The following CNP variants were observed in gnomAD, a reference collection of about 807,000 sequenced individuals.
CNP encodes the protein 2',3'-cyclic nucleotide 3' phosphodiesterase.
In CNP, 8 loss-of-function variants were observed where a neutral mutation model predicts 37.9. The observed-to-expected ratio is 0.21, with a 90% CI of 0.12 to 0.38. The LOEUF (loss-of-function observed/expected upper bound fraction) is 0.38. Among genes scored for constraint, CNP ranks in the 10% least tolerant of loss-of-function variants. The pLI, the probability that CNP is intolerant of heterozygous loss-of-function variation, is 1.00. For synonymous variants in CNP, 237 were observed against 238.3 expected (o/e 0.99, Z 0.05); for missense variants, 457 against 551.0 (o/e 0.83, Z 1.71).
rs2051033427 is a variant in CNP, at chr17:41,973,912, C to T, written c.1254C>T (p.Cys418=). 3 of 1,539,042 alleles carry T rather than the reference C, an allele frequency of 1.9e-6. No individual in the cohort carries two copies. The highest frequency in any genetic ancestry group is 2.3e-5 in the East Asian group (1 of 44,178). The change falls in exon 4 of 4, where the codon TGC becomes TGT. Residue 418 remains cysteine, a synonymous_variant. Transcript: ENST00000393892. ...GGAAGGGGGGCGCCTTGCAGTCCTG[C>T]ACCATCATATGAGTGTTCTCACCAC... The part of the protein sequence containing the change: ...GSRKGGALQS[C]TII
intron 2 of CNP, chr17:41,970,526 G>A (rs2050971361): frequency 6.6e-6 from 1 of 151,094 alleles, no homozygotes; most frequent in Non-Finnish European, 1.5e-5. Context: ...AGCCACCCAA[G>A]TAGCTGGGAT....
At position 41,968,847 on chromosome 17, in the gene CNP, CAG is replaced by C. The variant is rs1453053907; in HGVS notation, c.676+114_676+115del. The C allele has an allele frequency of 5.1e-5, 67 of 1,304,942 alleles. No individual in the cohort carries two copies. In the South Asian group the frequency reaches 6.5e-4, roughly 13 times the overall value. 80.8% of individuals were successfully genotyped at this position (1,304,942 alleles called of 1,614,324 possible). A position where few individuals can be genotyped will look rare whatever the true frequency, so the allele number is the denominator to read the frequency against. On this transcript the variant is annotated intron_variant, in intron 2 of 3. Coordinates refer to ENST00000393892, the MANE Select transcript of CNP (RefSeq NM_033133.5). This position sits in a 1 kb window ranked among gnomAD's most constrained non-coding sequence, Gnocchi z 4.8. ...GGATGGAGCACGAAGCAGCAGGAGG[CAG>C]AGAGAGGCTCACCTCAGCGGGGGCA... is the stretch of plus-strand genomic sequence containing the variant.
chr17:41,977,508 T>C lies in CNP; in HGVS notation c.*3584T>C, dbSNP rs2051122073. 2 of 536,938 alleles carry C rather than the reference T, an allele frequency of 3.7e-6. No homozygotes were observed. The highest frequency in any genetic ancestry group is 6.7e-6 in the Non-Finnish European group (2 of 299,222). The allele number at this position is 536,938 out of a possible 1,614,324, so 33.3% of individuals were successfully genotyped here. ...CCCATCCCGTGCAAAACATGCTACC[T>C]GATCCCACTCCTAGGACATGTTCCC... On this transcript the variant is annotated 3_prime_UTR_variant, in exon 4 of 4. Transcript: ENST00000393892.
chr17:41,976,663 G>T lies in CNP; in HGVS notation c.*2739G>T. 6.3e-7 allele frequency: 1 copy of T among 1,580,208 alleles called. No homozygotes were observed. Among genetic ancestry groups the T allele is most frequent in the East Asian group, 2.2e-5 (1 of 44,676 alleles). On this transcript the variant is annotated 3_prime_UTR_variant, in exon 4 of 4. Transcript: ENST00000393892. ...CGGAGACGTGATGAAGGGAGGAGGTGAACTGTTTCCACATTCAAGATTAAA... is the reference window on the plus strand; with the variant it reads ...CGGAGACGTGATGAAGGGAGGAGGTTAACTGTTTCCACATTCAAGATTAAA...
chr17:41,971,679 T>C (rs2050992244), intron 2 of CNP: 1 of 493,416 alleles, frequency 2.0e-6, no homozygotes, highest in Admixed American at 3.4e-5. Context: ...ATTACAGGTG[T>C]GAACCACCGC....
chr17:41,977,564 C>A lies in CNP; in HGVS notation c.*3640C>A. ...CTTCCAACTGCTGCCCCAAAGGAAG[C>A]TTTCTCTGCTTCAGCTTGCTTCATT... is the stretch of plus-strand genomic sequence containing the variant. On this transcript the variant is annotated 3_prime_UTR_variant, in exon 4 of 4. Transcript: ENST00000393892. 2.5e-6 allele frequency: 1 copy of A among 392,716 alleles called. No individual in the cohort carries two copies. The highest frequency in any genetic ancestry group is 4.6e-6 in the Non-Finnish European group (1 of 216,630). 24.3% of individuals were successfully genotyped at this position (392,716 alleles called of 1,614,324 possible). A position where few individuals can be genotyped will look rare whatever the true frequency, so the allele number is the denominator to read the frequency against.
In CNP at chr17:41,976,429, A is replaced by G; in HGVS notation, c.*2505A>G. 1 of 320,642 alleles carries G rather than the reference A, an allele frequency of 3.1e-6. No homozygotes were observed. The highest frequency in any genetic ancestry group is 5.7e-6 in the Non-Finnish European group (1 of 175,226). The allele number at this position is 320,642 out of a possible 1,614,324, so 19.9% of individuals were successfully genotyped here. On this transcript the variant is annotated 3_prime_UTR_variant, in exon 4 of 4. Transcript: ENST00000393892. ...TGGAGACAATGCAGATGCCAGAGCA[A>G]AGGGCCAGGAAGGGTCAAAACATTT... is the stretch of plus-strand genomic sequence containing the variant.
chr17:41,976,403 C>G lies in CNP; in HGVS notation c.*2479C>G, dbSNP rs868930420. On this transcript the variant is annotated 3_prime_UTR_variant, in exon 4 of 4. Transcript: ENST00000393892. ...GTCGGGCTCAGCTCTGGCTCACAGA[C>G]TGGAGACAATGCAGATGCCAGAGCA... 3.5e-6 allele frequency: 1 copy of G among 287,374 alleles called. No individual in the cohort carries two copies. Among genetic ancestry groups the G allele is most frequent in the Non-Finnish European group, 6.5e-6 (1 of 153,552 alleles). 17.8% of individuals were successfully genotyped at this position (287,374 alleles called of 1,614,324 possible). A position where few individuals can be genotyped will look rare whatever the true frequency, so the allele number is the denominator to read the frequency against.
Position 41,966,872 on chromosome 17 carries a change from G to A in CNP, c.-13G>A. ...TGCCGGCAGAGGCGGCGACGGTGGC[G>A]CCCCTCCTCATCATGGTGAGAGGCC... On this transcript the variant is annotated 5_prime_UTR_variant, in exon 1 of 4. Coordinates refer to ENST00000393892, the MANE Select transcript of CNP (RefSeq NM_033133.5). The A allele has an allele frequency of 2.2e-6, 3 of 1,353,372 alleles. No homozygotes were observed. The allele number at this position is 1,353,372 out of a possible 1,614,324, so 83.8% of individuals were successfully genotyped here.
At chr17:41,972,233 C>T (rs1444452547) in intron 3 of CNP, among the ~76,000 whole-genome samples, 10 of 151,852 alleles carry the variant, frequency 6.6e-5, no homozygotes, top group African/African-American at 2.4e-4. Flanking sequence ...AGGAGCCTGC[C>T]CTGGCAGTAC....
Position 41,968,962 on chromosome 17 carries a change from C to G in CNP, c.676+222C>G, listed in dbSNP as rs967909578. Among the ~76,000 whole-genome samples the G allele has an allele frequency of 1.3e-5, 2 of 152,176 alleles. No individual in the cohort carries two copies. Among genetic ancestry groups the G allele is most frequent in the Admixed American group, 1.3e-4 (2 of 15,274 alleles). ...GCTTCCCAGAGCGCCTTTCCTCCCA[C>G]CACACCTATCCTTCTAGCCCTCTTC... On this transcript the variant is annotated intron_variant, in intron 2 of 3. Coordinates refer to ENST00000393892, the MANE Select transcript of CNP (RefSeq NM_033133.5). The surrounding 1 kb of genome is among the most constrained non-coding windows in gnomAD (Gnocchi z 4.8).
chr17:41,973,574 C>G lies in CNP; in HGVS notation c.916C>G (p.Gln306Glu). Residue 306 changes from glutamine (Q) to glutamate (E), a missense_variant, in exon 4 of 4, where the codon CAA becomes GAA. Physicochemically the swap from Gln to Glu is conservative, Grantham distance 29 (BLOSUM62 2). Around this residue, in one of 2 missense-constraint regions of CNP, gnomAD observed 291 missense variants for 291.7 expected, o/e 1.00. Coordinates refer to ENST00000393892, the MANE Select transcript of CNP (RefSeq NM_033133.5). The stretch of plus-strand genomic sequence containing the variant: ...GGCCCGGGTGGAGTTAAGCGAGCAG[C>G]AACTGCAGTTGTGGCCGAGTGATGT... ...TGARVELSEQ[Q>E]LQLWPSDVDK... The G allele has an allele frequency of 6.2e-7, 1 of 1,614,256 alleles. No individual in the cohort carries two copies. The highest frequency in any genetic ancestry group is 8.5e-7 in the Non-Finnish European group (1 of 1,180,054).
chr17:41,968,223 C>T lies in CNP; in HGVS notation c.159C>T (p.Phe53=), dbSNP rs782564312. The change falls in exon 2 of 4, where the codon TTC becomes TTT. Residue 53 remains phenylalanine, a synonymous_variant. Coordinates refer to ENST00000393892, the MANE Select transcript of CNP (RefSeq NM_033133.5). This position sits in a 1 kb window ranked among gnomAD's most constrained non-coding sequence, Gnocchi z 4.8. ...VATLLECKTL[F]ILRGLPGSGK... Reference sequence around the variant, plus strand: ...CGCTGCTAGAGTGCAAGACGCTCTTCATCTTGCGCGGCCTGCCAGGAAGCG... The same window carrying T: ...CGCTGCTAGAGTGCAAGACGCTCTTTATCTTGCGCGGCCTGCCAGGAAGCG... 3.7e-6 allele frequency: 6 copies of T among 1,614,136 alleles called. No individual in the cohort carries two copies. The East Asian group carries it at 6.7e-5, about 18-fold the overall frequency.
rs2051037123 is a variant in CNP, at chr17:41,974,120, C to T, written c.*196C>T. 3 of 454,326 alleles carry T rather than the reference C, an allele frequency of 6.6e-6. No individual in the cohort carries two copies. Among genetic ancestry groups the T allele is most frequent in the African/African-American group, 2.0e-5 (1 of 49,454 alleles). The allele number at this position is 454,326 out of a possible 1,614,324, so 28.1% of individuals were successfully genotyped here. A position where few individuals can be genotyped will look rare whatever the true frequency, so the allele number is the denominator to read the frequency against. The stretch of plus-strand genomic sequence containing the variant: ...TCTTCCCCTCTAATGCTCACGCTCC[C>T]AACACAAGGTGGGCAGGGAGGCACC... On this transcript the variant is annotated 3_prime_UTR_variant, in exon 4 of 4. Coordinates refer to ENST00000393892, the MANE Select transcript of CNP (RefSeq NM_033133.5).
chr17:41,973,732 C>T lies in CNP; in HGVS notation c.1074C>T (p.Gly358=). The change falls in exon 4 of 4, where the codon GGC becomes GGT. Residue 358 remains glycine, a synonymous_variant. Coordinates refer to ENST00000393892, the MANE Select transcript of CNP (RefSeq NM_033133.5). ...LLEILRQEKG[G]SRGEEVGELS... is the part of the protein sequence containing the mutation. ...AGATTCTGCGGCAGGAGAAGGGGGG[C>T]AGCCGAGGCGAGGAGGTGGGCGAGC... 1 of 1,611,308 alleles carries T rather than the reference C, an allele frequency of 6.2e-7. No homozygotes were observed. Among genetic ancestry groups the T allele is most frequent in the Non-Finnish European group, 8.5e-7 (1 of 1,178,390 alleles).
rs1272198982 is a variant in CNP at position 41,977,122 on chromosome 17, G to A, written c.*3198G>A. ...CCTGTCTTCATCCTTAGCAACAGCC[G>A]AGTGGATAGATGCCCTGCTAGATGA... On this transcript the variant is annotated 3_prime_UTR_variant, in exon 4 of 4. Transcript: ENST00000393892. The A allele has an allele frequency of 1.1e-5, 10 of 878,608 alleles. No individual in the cohort carries two copies. The highest frequency in any genetic ancestry group is 1.7e-5 in the South Asian group (1 of 58,912). 54.4% of individuals were successfully genotyped at this position (878,608 alleles called of 1,614,324 possible).
chr17:41,971,708 A>T, intron 2 of CNP, 184 bp from the exon 3 acceptor site: 1 of 701,622 alleles, frequency 1.4e-6, no homozygotes, highest in Non-Finnish European at 2.3e-6. Flanking sequence ...TGAGAATTTT[A>T]ACTTTTTATT....
Position 41,977,117 on chromosome 17 carries a change from C to A in CNP, c.*3193C>A. 1 of 856,774 alleles carries A rather than the reference C, an allele frequency of 1.2e-6. No homozygotes were observed. Among genetic ancestry groups the A allele is most frequent in the Non-Finnish European group, 1.8e-6 (1 of 551,656 alleles). The allele number at this position is 856,774 out of a possible 1,614,324, so 53.1% of individuals were successfully genotyped here. A position where few individuals can be genotyped will look rare whatever the true frequency, so the allele number is the denominator to read the frequency against. On this transcript the variant is annotated 3_prime_UTR_variant, in exon 4 of 4. Coordinates refer to ENST00000393892, the MANE Select transcript of CNP (RefSeq NM_033133.5). ...ACCTTCCTGTCTTCATCCTTAGCAA[C>A]AGCCGAGTGGATAGATGCCCTGCTA...
intron 2 of CNP, among the ~76,000 whole-genome samples, chr17:41,969,350 A>G (rs2050950671): frequency 1.3e-5 from 2 of 151,982 alleles, no homozygotes; most frequent in Admixed American, 6.6e-5. Flanking sequence ...AAAAACATGG[A>G]CCCAGGAGGG....
Sources: allele counts gnomAD v4.1 joint callset (sites outside exome capture counted in the v4.1 genomes callset), GRCh38; gene constraint gnomAD v4.1.1; regional missense constraint gnomAD v4.1.1; non-coding constraint Gnocchi (gnomAD v3.1); transcripts MANE v1.5; gene names NCBI Gene and HGNC (gene_info 2026-07-23, HGNC 2026-07-21).